The following EXT2 variants were observed in gnomAD, a reference collection of about 807,000 sequenced individuals.
EXT2 encodes the protein exostosin glycosyltransferase 2.
Under a neutral mutation model 81.6 loss-of-function variants are expected in EXT2, and 53 were observed. The observed-to-expected ratio is 0.65, with a 90% CI of 0.52 to 0.82. The LOEUF is 0.82. EXT2 is among the 40% of genes least tolerant of loss of function. The pLI, the probability that EXT2 is intolerant of heterozygous loss-of-function variation, is 0.00. For missense variants in EXT2, 774 were observed against 910.2 expected, an observed-to-expected ratio of 0.85 and a Z score of 1.93; for synonymous variants, 320 against 340.0, an observed-to-expected ratio of 0.94 and a Z score of 0.65.
intron 7 of EXT2, among the ~76,000 whole-genome samples, chr11:44,167,143 CTT>C (rs1263971400): frequency 6.6e-6 from 1 of 152,162 alleles, no homozygotes; most frequent in Non-Finnish European, 1.5e-5. Context: ...TCCTACAGGA[CTT>C]AGAGGTTGGA....
intron 10 of EXT2, among the ~76,000 whole-genome samples, chr11:44,217,388 G>A (rs1955732352): frequency 6.6e-6 from 1 of 152,108 alleles, no homozygotes; most frequent in Admixed American, 6.5e-5. Flanking sequence ...GGGGTTATTT[G>A]TGTGTTTATA....
At chr11:44,108,808 A>G (rs1046130904) in intron 2 of EXT2, among the ~76,000 whole-genome samples, 4 of 152,146 alleles carry the variant, frequency 2.6e-5, no homozygotes, top group African/African-American at 9.7e-5. Flanking sequence ...AAATTATGAC[A>G]TAATTTTATG....
rs371642581 is a variant in EXT2 at position 44,216,022 on chromosome 11, G to A, written c.1662+9063G>A. 2.9e-3 allele frequency among the ~76,000 whole-genome samples: 434 copies of A among 152,036 alleles called. 1 individual carries two copies. The highest frequency in any genetic ancestry group is 0.01 in the Middle Eastern group (3 of 294). On this transcript the variant is annotated intron_variant, in intron 10 of 13. Transcript: ENST00000533608. ...CTCCCGAGTAGCTGGGACTACAGGC[G>A]CCCGCCACCGCGCCCGGCTAATTTT... is the stretch of plus-strand genomic sequence containing the variant.
At chr11:44,130,165 A>C (rs1954471928) in intron 7 of EXT2, 27 bp downstream of exon 7, 2 of 1,579,870 alleles carry the variant, frequency 1.3e-6, no homozygotes, top group East Asian at 4.5e-5. Context: ...TGGGGAGGTG[A>C]CATGGGTGGT....
At chr11:44,197,615 A>G (rs1227022247) in intron 8 of EXT2, among the ~76,000 whole-genome samples, 1 of 152,218 alleles carries the variant, frequency 6.6e-6, no homozygotes, top group African/African-American at 2.4e-5. Context: ...TCTCAGCTGC[A>G]AAAGTTCTCA....
At chr11:44,170,804 T>C (rs1955059881) in intron 7 of EXT2, among the ~76,000 whole-genome samples, 1 of 119,836 alleles carries the variant, frequency 8.3e-6, no homozygotes, top group African/African-American at 3.3e-5. Flanking sequence ...TTTAAAACGT[T>C]CACATTCACA....
At chr11:44,167,818 T>A (rs1005410163) in intron 7 of EXT2, among the ~76,000 whole-genome samples, 3 of 152,162 alleles carry the variant, frequency 2.0e-5, no homozygotes, top group Non-Finnish European at 4.4e-5. Context: ...CTTTCTTTTT[T>A]TTATTATTAT....
At chr11:44,118,098 C>A (rs1395700161) in intron 4 of EXT2, among the ~76,000 whole-genome samples, 4 of 152,150 alleles carry the variant, frequency 2.6e-5, no homozygotes, top group African/African-American at 7.2e-5. Context: ...AAAACTGAAA[C>A]AAATTTACAA....
At chr11:44,163,412 A>C in intron 7 of EXT2, among the ~76,000 whole-genome samples, 1 of 152,244 alleles carries the variant, frequency 6.6e-6, no homozygotes, top group East Asian at 1.9e-4. Flanking sequence ...TTGTCCAAGA[A>C]GGACACCAGA....
chr11:44,185,985 T>C (rs1342503097), intron 8 of EXT2, among the ~76,000 whole-genome samples: 3 of 152,244 alleles, frequency 2.0e-5, no homozygotes, highest in East Asian at 3.8e-4. Flanking sequence ...ATCATGAACA[T>C]TGTTGGACAC....
chr11:44,153,435 A>G (rs1333164363), intron 7 of EXT2, among the ~76,000 whole-genome samples: 1 of 152,128 alleles, frequency 6.6e-6, no homozygotes, highest in Admixed American at 6.5e-5. Context: ...TGGATTCTCT[A>G]TATAAACAAT....
At chr11:44,101,283 T>C (rs1305262046) in intron 1 of EXT2, among the ~76,000 whole-genome samples, 1 of 152,184 alleles carries the variant, frequency 6.6e-6, no homozygotes, top group Non-Finnish European at 1.5e-5. Context: ...GGCAGGCTCC[T>C]TGAAGCTTGG....
intron 8 of EXT2, among the ~76,000 whole-genome samples, chr11:44,197,539 T>C (rs1955469714): frequency 6.6e-6 from 1 of 152,188 alleles, no homozygotes; most frequent in South Asian, 2.1e-4. Flanking sequence ...TGCCTTTTTA[T>C]TGGGTTTGGG....
intron 8 of EXT2, among the ~76,000 whole-genome samples, chr11:44,173,133 T>TGG (rs1378236413): frequency 5.9e-5 from 9 of 152,020 alleles, no homozygotes; most frequent in African/African-American, 1.7e-4. Flanking sequence ...TGTAGTGGAG[T>TGG]AGAGTGGTGT....
intron 1 of EXT2, among the ~76,000 whole-genome samples, chr11:44,099,176 G>T (rs1216474301): frequency 2.0e-5 from 3 of 150,656 alleles, no homozygotes; most frequent in Non-Finnish European, 4.4e-5. Context: ...TAATTTTTGG[G>T]TTTTTTTTTG....
At chr11:44,221,118 G>A (rs1955776951) in intron 10 of EXT2, among the ~76,000 whole-genome samples, 1 of 152,114 alleles carries the variant, frequency 6.6e-6, no homozygotes, top group Non-Finnish European at 1.5e-5. Context: ...CACAGAGGAG[G>A]GCACATACTG....
At chr11:44,194,167 T>G (rs1186112825) in intron 8 of EXT2, among the ~76,000 whole-genome samples, 1 of 152,250 alleles carries the variant, frequency 6.6e-6, no homozygotes, top group African/African-American at 2.4e-5. Context: ...CATTCTCCCC[T>G]CTTCTCCCAA....
chr11:44,180,263 C>G (rs1039797222), intron 8 of EXT2, among the ~76,000 whole-genome samples: 8 of 152,178 alleles, frequency 5.3e-5, no homozygotes, highest in Non-Finnish European at 1.0e-4. Flanking sequence ...GTTTCTACTT[C>G]CCCTATACAC....
chr11:44,096,227 A>T (rs1453012781), intron 1 of EXT2: 1 of 1,534,394 alleles, frequency 6.5e-7, no homozygotes, highest in Non-Finnish European at 8.7e-7. Context: ...CCCGCCAGCC[A>T]CAGGGATCTG....
Sources: allele counts gnomAD v4.1 joint callset (sites outside exome capture counted in the v4.1 genomes callset), GRCh38; gene constraint gnomAD v4.1.1; transcripts MANE v1.5; gene names NCBI Gene and HGNC (gene_info 2026-07-23, HGNC 2026-07-21).